Variants in MEGF9 observed in about 807,000 individuals in gnomAD.
The protein encoded by MEGF9 is multiple EGF like domains 9, also known as multiple epidermal growth factor-like domains protein 9.
Under a neutral mutation model 46.8 loss-of-function variants are expected in MEGF9, and 6 were observed. The ratio of observed to expected loss-of-function variants is 0.13; its 90% CI spans 0.07 to 0.25. MEGF9 has a LOEUF of 0.25. MEGF9 is among the 10% of genes least tolerant of loss of function. The pLI is 1.00. For synonymous variants in MEGF9, 302 were observed against 330.7 expected, an observed-to-expected ratio of 0.91 and a Z score of 0.94; for missense variants, 683 against 792.4, an observed-to-expected ratio of 0.86 and a Z score of 1.66.
intron 1 of MEGF9, among the ~76,000 whole-genome samples, chr9:120,671,120 C>T (rs1408213021): frequency 2.0e-5 from 3 of 152,196 alleles, no homozygotes; most frequent in South Asian, 2.1e-4. Flanking sequence ...CATACTGATA[C>T]CCCTTCCTCT....
chr9:120,623,098 C>T (rs1057417058), intron 2 of MEGF9, among the ~76,000 whole-genome samples: 1 of 152,114 alleles, frequency 6.6e-6, no homozygotes, highest in Admixed American at 6.5e-5. Flanking sequence ...GGTAGTTCTA[C>T]CTGGTGAGGG....
chr9:120,695,603 CAAAAAAA>C (rs370281228), intron 1 of MEGF9, among the ~76,000 whole-genome samples: 17 of 18,688 alleles, frequency 9.1e-4, no homozygotes, highest in South Asian at 3.2e-3. Context: ...GACCCCATCT[CAAAAAAA>C]AAAAAAAAAA....
At chr9:120,616,595 C>T (rs773940920) in intron 3 of MEGF9, among the ~76,000 whole-genome samples, 5 of 147,248 alleles carry the variant, frequency 3.4e-5, no homozygotes, top group South Asian at 4.3e-4. Flanking sequence ...AGGAGAATGG[C>T]GTGAATCCGG....
intron 2 of MEGF9, among the ~76,000 whole-genome samples, chr9:120,629,445 G>C (rs145495348): frequency 0.014 from 2,116 of 152,094 alleles, 60 homozygotes; most frequent in Admixed American, 0.068. Flanking sequence ...TTCGAGACCA[G>C]CCTGGCTAAC....
At chr9:120,713,684 G>A in intron 1 of MEGF9, 74 bp downstream of exon 1, 1 of 1,244,266 alleles carries the variant, frequency 8.0e-7, no homozygotes, top group Admixed American at 4.1e-5. Flanking sequence ...ATAAATTATA[G>A]GCAAGAGCCC....
rs568620279 is a variant in MEGF9, at chr9:120,651,070, A to G, written c.803+8304T>C. ...TTGACAAGAGCAAAAGCAATATTCC[A>G]AAGTGCCTAATAAAAAGGAAGGGCA... is the stretch of plus-strand genomic sequence containing the variant. On this transcript the variant is annotated intron_variant, in intron 2 of 5. Transcript: ENST00000373930. 1.1e-3 allele frequency among the ~76,000 whole-genome samples: 173 copies of G among 152,340 alleles called. 1 individual carries two copies. The highest frequency in any genetic ancestry group is 6.8e-3 in the Middle Eastern group (2 of 294).
intron 1 of MEGF9, among the ~76,000 whole-genome samples, chr9:120,708,728 G>A (rs920392352): frequency 1.2e-4 from 18 of 152,128 alleles, no homozygotes; most frequent in African/African-American, 2.7e-4. Flanking sequence ...GGAACACACC[G>A]CAGGTAAATG....
chr9:120,702,392 C>A (rs1221170096), intron 1 of MEGF9, among the ~76,000 whole-genome samples: 1 of 152,074 alleles, frequency 6.6e-6, no homozygotes, highest in Non-Finnish European at 1.5e-5. Context: ...ACTTTTTATT[C>A]ATTTTTAAAT....
At chr9:120,694,046 A>G (rs1372160457) in intron 1 of MEGF9, among the ~76,000 whole-genome samples, 2 of 152,244 alleles carry the variant, frequency 1.3e-5, no homozygotes, top group Non-Finnish European at 2.9e-5. Flanking sequence ...TGAAGAGAGT[A>G]GTAAACAGAT....
intron 1 of MEGF9, among the ~76,000 whole-genome samples, chr9:120,680,344 G>A (rs2132332522): frequency 6.6e-6 from 1 of 152,222 alleles, no homozygotes; most frequent in Non-Finnish European, 1.5e-5. Flanking sequence ...AAGGGACTTG[G>A]GCCCCAAATG....
chr9:120,611,865 A>AGGAAGAAAG (rs572613293), intron 4 of MEGF9, among the ~76,000 whole-genome samples: 2 of 137,152 alleles, frequency 1.5e-5, no homozygotes, highest in African/African-American at 5.9e-5. Flanking sequence ...GGAAGGAAGA[A>AGGAAGAAAG]AGAGAGAGAG....
At chr9:120,654,636 T>C (rs750613277) in intron 2 of MEGF9, among the ~76,000 whole-genome samples, 5 of 152,182 alleles carry the variant, frequency 3.3e-5, no homozygotes, top group African/African-American at 7.2e-5. Context: ...TATACTACAG[T>C]TTTTATTGTT....
chr9:120,618,498 A>G (rs2043482103), intron 3 of MEGF9, among the ~76,000 whole-genome samples: 1 of 152,190 alleles, frequency 6.6e-6, no homozygotes, highest in African/African-American at 2.4e-5. Context: ...CAGTTTTAAA[A>G]ATAATATCCC....
rs151281232 is a variant in MEGF9, at chr9:120,651,744, C to T, written c.803+7630G>A. Among the ~76,000 whole-genome samples, 1,331 of 151,548 alleles carry T rather than the reference C, an allele frequency of 8.8e-3. 9 individuals are homozygous for T. The highest frequency in any genetic ancestry group is 0.014 in the Non-Finnish European group (919 of 67,882). ...CTCGGCACACTGCAACCTCCGCCTC[C>T]CCGGTTCAAGCGATTCTCCTGTCTC... On this transcript the variant is annotated intron_variant, in intron 2 of 5. Coordinates refer to ENST00000373930, the MANE Select transcript of MEGF9 (RefSeq NM_001080497.3).
At chr9:120,618,424 C>G (rs905109241) in intron 3 of MEGF9, among the ~76,000 whole-genome samples, 1 of 152,122 alleles carries the variant, frequency 6.6e-6, no homozygotes, top group African/African-American at 2.4e-5. Flanking sequence ...CATCATGGGA[C>G]ACTATGAATA....
At chr9:120,679,937 CAAAA>C (rs34290703) in intron 1 of MEGF9, among the ~76,000 whole-genome samples, 1 of 118,614 alleles carries the variant, frequency 8.4e-6, no homozygotes, top group Non-Finnish European at 1.7e-5. Flanking sequence ...GACTCCGTCT[CAAAA>C]AAAAAAAAAA....
chr9:120,677,972 A>G (rs1300306684), intron 1 of MEGF9, among the ~76,000 whole-genome samples: 1 of 152,124 alleles, frequency 6.6e-6, no homozygotes, highest in Non-Finnish European at 1.5e-5. Context: ...TCTATTCTCT[A>G]TCTCTATGAG....
intron 1 of MEGF9, among the ~76,000 whole-genome samples, chr9:120,698,496 C>A (rs907688517): frequency 1.3e-5 from 2 of 152,200 alleles, no homozygotes; most frequent in African/African-American, 4.8e-5. Context: ...TACTAACCTG[C>A]ACCTTAGAAC....
At chr9:120,622,091 G>GA (rs1461550374) in intron 3 of MEGF9, among the ~76,000 whole-genome samples, 1 of 152,212 alleles carries the variant, frequency 6.6e-6, no homozygotes, top group Non-Finnish European at 1.5e-5. Flanking sequence ...GACTGAAAGA[G>GA]AAAGAGATTT....
Sources: gnomAD v4.1 joint callset for allele counts (sites outside exome capture counted in the v4.1 genomes callset) on GRCh38, gnomAD v4.1.1 for gene constraint, MANE v1.5 for transcripts, NCBI Gene and HGNC (gene_info 2026-07-23, HGNC 2026-07-21) for gene names.